TENM2: variants seen among roughly 807,000 people sequenced by gnomAD.
The protein encoded by TENM2 is teneurin transmembrane protein 2.
Under a neutral mutation model 245.2 loss-of-function variants are expected in TENM2, and 52 were observed. The observed-to-expected ratio is 0.21, with a 90% CI of 0.17 to 0.27. The LOEUF is 0.27. Ranked by LOEUF, TENM2 falls within the 10% of genes least tolerant of loss-of-function variation. TENM2 has a pLI of 1.00. For synonymous variants in TENM2, 1,363 were observed against 1,438.9 expected (o/e 0.95, Z 1.19); for missense variants, 3,046 against 3,666.8 (o/e 0.83, Z 4.37).
chr5:167,629,100 A>G (rs1778701133), intron 2 of TENM2, among the ~76,000 whole-genome samples: 1 of 152,208 alleles, frequency 6.6e-6, no homozygotes, highest in South Asian at 2.1e-4. Flanking sequence ...TTTCCACATT[A>G]GAAAAGTTGG....
At chr5:167,503,487 T>A (rs1230240015) in intron 2 of TENM2, among the ~76,000 whole-genome samples, 1 of 149,876 alleles carries the variant, frequency 6.7e-6, no homozygotes, top group Non-Finnish European at 1.5e-5. Context: ...TGAAAGTTAA[T>A]CTAAATGTAT....
At chr5:167,695,980 G>A (rs1757739379) in intron 2 of TENM2, among the ~76,000 whole-genome samples, 1 of 151,518 alleles carries the variant, frequency 6.6e-6, no homozygotes, top group Non-Finnish European at 1.5e-5. Flanking sequence ...CTTGCAGTGA[G>A]CCGAGATTGC....
At chr5:167,592,943 T>C (rs1281316101) in intron 2 of TENM2, among the ~76,000 whole-genome samples, 2 of 152,334 alleles carry the variant, frequency 1.3e-5, no homozygotes, top group Admixed American at 1.3e-4. Flanking sequence ...ATGTATATCA[T>C]ACTTATTATT....
chr5:167,817,423 A>G (rs1306316373), intron 2 of TENM2, among the ~76,000 whole-genome samples: 1 of 152,218 alleles, frequency 6.6e-6, no homozygotes, highest in Admixed American at 6.5e-5. Context: ...AAACTTCTGT[A>G]TTCTTCAAAG....
At chr5:167,088,019 A>C in the TENM2 span, among the ~76,000 whole-genome samples, 1 of 152,096 alleles carries the variant, frequency 6.6e-6, no homozygotes, top group African/African-American at 2.4e-5. Context: ...CAAACTCTTG[A>C]CTTCTTGATC....
intron 2 of TENM2, among the ~76,000 whole-genome samples, chr5:167,444,767 A>G (rs74956288): frequency 0.011 from 1,664 of 152,260 alleles, 32 homozygotes; most frequent in African/African-American, 0.037. Flanking sequence ...GCACTGGGTA[A>G]AAGCTCAGTA....
the TENM2 span, among the ~76,000 whole-genome samples, chr5:167,139,150 G>A: frequency 6.6e-6 from 1 of 152,312 alleles, no homozygotes; most frequent in African/African-American, 2.4e-5. Flanking sequence ...CAGGTAAGTA[G>A]AAGTTAGTGC....
chr5:167,345,019 G>A (rs1758373026), intron 1 of TENM2, among the ~76,000 whole-genome samples: 1 of 152,192 alleles, frequency 6.6e-6, no homozygotes, highest in Non-Finnish European at 1.5e-5. Flanking sequence ...GAGAATCTCT[G>A]CTTTTCTAAG....
At chr5:167,385,067 A>G (rs763179126) in intron 2 of TENM2, among the ~76,000 whole-genome samples, 2 of 152,222 alleles carry the variant, frequency 1.3e-5, no homozygotes, top group Non-Finnish European at 2.9e-5. Flanking sequence ...TGTTTATAAT[A>G]TTTAACCAAA....
At chr5:167,490,503 C>T (rs1768362601) in intron 2 of TENM2, among the ~76,000 whole-genome samples, 1 of 152,052 alleles carries the variant, frequency 6.6e-6, no homozygotes, top group Admixed American at 6.6e-5. Context: ...TTGTATATTG[C>T]ATTCCAGGAT....
intron 9 of TENM2, among the ~76,000 whole-genome samples, chr5:168,117,125 T>A (rs1482429128): frequency 1.3e-5 from 2 of 152,148 alleles, no homozygotes. Flanking sequence ...ATTGGCACAT[T>A]TGAGGCCAAA....
intron 1 of TENM2, among the ~76,000 whole-genome samples, chr5:167,297,806 T>C (rs547088976): frequency 1.3e-5 from 2 of 151,640 alleles, no homozygotes; most frequent in Admixed American, 6.6e-5. Flanking sequence ...CAAAGGGGGG[T>C]TGTTCTCTGG....
intron 7 of TENM2, among the ~76,000 whole-genome samples, chr5:168,072,894 A>G (rs1018196926): frequency 1.3e-5 from 2 of 152,194 alleles, no homozygotes; most frequent in Admixed American, 6.5e-5. Context: ...GGCCGACACC[A>G]ATACTGATAT....
chr5:167,459,344 A>G (rs575651008), intron 2 of TENM2, among the ~76,000 whole-genome samples: 2 of 152,210 alleles, frequency 1.3e-5, no homozygotes, highest in Non-Finnish European at 2.9e-5. Flanking sequence ...TGAAGGCTGA[A>G]GAACATCCCA....
intron 3 of TENM2, among the ~76,000 whole-genome samples, chr5:167,952,157 G>A (rs1447099628): frequency 6.6e-6 from 1 of 152,116 alleles, no homozygotes; most frequent in Non-Finnish European, 1.5e-5. Context: ...CCCTGACTTA[G>A]AGTGTTCCAT....
chr5:168,061,178 G>T (rs993249235), intron 6 of TENM2, among the ~76,000 whole-genome samples: 1 of 152,130 alleles, frequency 6.6e-6, no homozygotes, highest in Non-Finnish European at 1.5e-5. Flanking sequence ...GTTCAGAATC[G>T]ATTTGAAGGA....
chr5:167,459,950 AAC>A (rs1342191712), intron 2 of TENM2, among the ~76,000 whole-genome samples: 1 of 150,556 alleles, frequency 6.6e-6, no homozygotes, highest in East Asian at 1.9e-4. Flanking sequence ...ACACACACAC[AAC>A]ACACACTCAA....
intron 25 of TENM2, among the ~76,000 whole-genome samples, chr5:168,239,449 C>G (rs951060174): frequency 6.6e-6 from 1 of 152,204 alleles, no homozygotes; most frequent in African/African-American, 2.4e-5. Flanking sequence ...CCTATCATTA[C>G]TTCTTTATAG....
intron 23 of TENM2, among the ~76,000 whole-genome samples, chr5:168,221,603 G>A (rs989406328): frequency 4.6e-5 from 7 of 152,162 alleles, no homozygotes; most frequent in African/African-American, 1.4e-4. Context: ...AGAGAGAAAG[G>A]GGTAGGAAAA....
Sources: allele counts gnomAD v4.1 joint callset (sites outside exome capture counted in the v4.1 genomes callset), GRCh38; gene constraint gnomAD v4.1.1; transcripts MANE v1.5; gene names NCBI Gene and HGNC (gene_info 2026-07-23, HGNC 2026-07-21).